The following ABCC9 variants were observed in gnomAD, a reference collection of about 807,000 sequenced individuals.
ABCC9 encodes the protein ATP binding cassette subfamily C member 9, also known as ATP-binding cassette sub-family C member 9.
ABCC9 carries 95 observed loss-of-function variants against 188.3 expected under a neutral mutation model. The ratio of observed to expected loss-of-function variants is 0.50; its 90% CI spans 0.43 to 0.60. ABCC9 has a LOEUF of 0.60. ABCC9 is among the 20% of genes least tolerant of loss of function. The probability of loss-of-function intolerance (pLI) is 0.00; values close to 1 mark genes in which losing one functional copy is unlikely to be tolerated. For synonymous variants in ABCC9, 659 were observed against 652.7 expected (o/e 1.01, Z -0.15); for missense variants, 1,102 against 1,876.3 (o/e 0.59, Z 7.62).
chr12:21,896,271 G>A (rs918749315), intron 12 of ABCC9, among the ~76,000 whole-genome samples: 7 of 151,850 alleles, frequency 4.6e-5, no homozygotes, highest in African/African-American at 1.7e-4. Context: ...CCTTACCACC[G>A]TACATAGAAC....
chr12:21,906,834 C>T (rs1462838105), intron 11 of ABCC9, among the ~76,000 whole-genome samples: 3 of 152,046 alleles, frequency 2.0e-5, no homozygotes, highest in South Asian at 4.1e-4. Flanking sequence ...CAAGAGATTT[C>T]CACATACTTC....
At chr12:21,826,164 T>C (rs888853572) in intron 31 of ABCC9, among the ~76,000 whole-genome samples, 8 of 152,164 alleles carry the variant, frequency 5.3e-5, no homozygotes, top group African/African-American at 1.4e-4. Context: ...AGCAGATATT[T>C]ATGTGAACTT....
intron 5 of ABCC9, among the ~76,000 whole-genome samples, chr12:21,917,501 G>T (rs1185020036): frequency 6.6e-6 from 1 of 152,036 alleles, no homozygotes; most frequent in Non-Finnish European, 1.5e-5. Context: ...CTACTTCATA[G>T]GTGTGTTGCA....
intron 17 of ABCC9, among the ~76,000 whole-genome samples, chr12:21,874,466 T>C (rs1946241508): frequency 6.6e-6 from 1 of 152,112 alleles, no homozygotes; most frequent in Admixed American, 6.6e-5. Flanking sequence ...CTCGAAAAAC[T>C]AAAAATAGAA....
At chr12:21,818,482 C>CTA (rs200929697) in intron 31 of ABCC9, among the ~76,000 whole-genome samples, 123 of 127,232 alleles carry the variant, frequency 9.7e-4, no homozygotes, top group African/African-American at 4.1e-3. Context: ...ATATCTATAT[C>CTA]TATCTATATA....
Position 21,838,784 on chromosome 12 carries a change from A to G in ABCC9, c.3474-614T>C, listed in dbSNP as rs1342904766. Among the ~76,000 whole-genome samples the G allele has an allele frequency of 6.6e-5, 10 of 152,340 alleles. No individual in the cohort carries two copies. The South Asian group carries it at 1.9e-3, about 28-fold the overall frequency. The stretch of plus-strand genomic sequence containing the variant: ...TGCGGTGGCTCATACCTGTAATCCC[A>G]GCACTTTGAGAGGCTGAGGCAGGTG... On this transcript the variant is annotated intron_variant, in intron 29 of 39. Transcript: ENST00000261200.
intron 22 of ABCC9, among the ~76,000 whole-genome samples, chr12:21,857,004 T>G (rs1333394418): frequency 6.6e-6 from 1 of 152,176 alleles, no homozygotes; most frequent in Non-Finnish European, 1.5e-5. Context: ...GAGAATCAAA[T>G]GGGATAATAC....
intron 12 of ABCC9, among the ~76,000 whole-genome samples, chr12:21,902,777 C>A (rs1021272585): frequency 3.3e-5 from 5 of 152,042 alleles, no homozygotes; most frequent in African/African-American, 4.8e-5. Flanking sequence ...CAATAACAGG[C>A]TCTGAAATGA....
chr12:21,832,199 A>T (rs2137298243), intron 30 of ABCC9, among the ~76,000 whole-genome samples: 1 of 152,330 alleles, frequency 6.6e-6, no homozygotes, highest in African/African-American at 2.4e-5. Context: ...AGGTCACTAA[A>T]ATCTCAGTCT....
At position 21,936,542 on chromosome 12, in the gene ABCC9, A is replaced by G. The variant is rs1555125400; in HGVS notation, c.133T>C (p.Leu45=). The change falls in exon 3 of 40, where the codon TTG becomes CTG. Residue 45 remains leucine (L), a synonymous_variant. Transcript: ENST00000261200. ...VFLLFITFPI[L]FIGWGSQSSK... is the part of the protein sequence containing the mutation. ...ATACTAGATTACTTACCAATAAACA[A>G]TATTGGAAAAGTGATAAACAACAGA... 4 of 1,612,246 alleles carry G rather than the reference A, an allele frequency of 2.5e-6. No individual in the cohort carries two copies. Among genetic ancestry groups the G allele is most frequent in the African/African-American group, 1.3e-5 (1 of 75,012 alleles).
intron 23 of ABCC9, 61 bp from the exon 24 acceptor site, chr12:21,852,283 C>T: frequency 1.2e-6 from 2 of 1,613,082 alleles, no homozygotes; most frequent in African/African-American, 1.3e-5. Context: ...AAATGAACTA[C>T]CTTTATTTCA....
At chr12:21,904,113 G>C (rs1947912879) in intron 12 of ABCC9, among the ~76,000 whole-genome samples, 1 of 152,150 alleles carries the variant, frequency 6.6e-6, no homozygotes, top group South Asian at 2.1e-4. Flanking sequence ...AGAGCCCTCA[G>C]AAATAATACC....
intron 9 of ABCC9, 36 bp from the exon 10 acceptor site, chr12:21,910,348 A>C (rs1170755870): frequency 1.9e-6 from 3 of 1,542,210 alleles, no homozygotes; most frequent in Non-Finnish European, 2.6e-6. Context: ...ATAAAGCTCT[A>C]AACTTAAAAT....
At position 21,933,890 on chromosome 12, in the gene ABCC9, T is replaced by C. The variant is rs1423323542; in HGVS notation, c.176A>G (p.His59Arg). The change falls in exon 4 of 40, where the codon CAC becomes CGC. Residue 59 changes from histidine (H) to arginine (R), a missense_variant. Around this residue, in one of 12 missense-constraint regions of ABCC9, gnomAD observed 305 missense variants for 573.0 expected, o/e 0.53. Coordinates refer to ENST00000261200, the MANE Select transcript of ABCC9 (RefSeq NM_020297.4). ...CGGAAAATGAAGCCATGTGTTGTGG[T>C]GAATTTGTACTTTTGAGCTTTGGCT... ...WGSQSSKVQIHHNTWLHFPGH... is the reference protein window; with the variant it reads ...WGSQSSKVQIRHNTWLHFPGH... 1 of 1,613,624 alleles carries C rather than the reference T, an allele frequency of 6.2e-7. No individual in the cohort carries two copies. The highest frequency in any genetic ancestry group is 8.5e-7 in the Non-Finnish European group (1 of 1,179,654).
intron 30 of ABCC9, among the ~76,000 whole-genome samples, chr12:21,835,732 A>G (rs2137322257): frequency 6.6e-6 from 1 of 152,246 alleles, no homozygotes; most frequent in East Asian, 1.9e-4. Context: ...CTCCCTCAGC[A>G]ATCAAATCCA....
In ABCC9 at chr12:21,904,929, G is replaced by A. The variant is rs1408922581; in HGVS notation, c.1618+1197C>T. ...TTTGACCCAGCAATCCCATTACTGG[G>A]TATATACCCAAAGGACTATAAATCA... On this transcript the variant is annotated intron_variant, in intron 12 of 39. Coordinates refer to ENST00000261200, the MANE Select transcript of ABCC9 (RefSeq NM_020297.4). Among the ~76,000 whole-genome samples, 5 of 152,172 alleles carry A rather than the reference G, an allele frequency of 3.3e-5. No individual in the cohort carries two copies. In the East Asian group the frequency reaches 5.8e-4, roughly 18 times the overall value.
intron 18 of ABCC9, among the ~76,000 whole-genome samples, chr12:21,867,066 G>A (rs779000645): frequency 5.6e-4 from 85 of 152,132 alleles, no homozygotes; most frequent in Admixed American, 5.2e-4. Context: ...AAGGATTTAC[G>A]TATATTTTCC....
chr12:21,913,459 A>G (rs1352652471), intron 7 of ABCC9, among the ~76,000 whole-genome samples: 1 of 152,182 alleles, frequency 6.6e-6, no homozygotes, highest in African/African-American at 2.4e-5. Flanking sequence ...AGAGTAAAGC[A>G]CAAACATCAA....
At position 21,799,241 on chromosome 12, in the gene ABCC9, G is replaced by C. The variant is rs1481774916; in HGVS notation, c.*1803C>G. ...GTGCACATGTACCCTAAAACTTAAA[G>C]TATATTAAAAAAAAAATTAAAAAAA... is the stretch of plus-strand genomic sequence containing the variant. On this transcript the variant is annotated 3_prime_UTR_variant, in exon 40 of 40. Coordinates refer to ENST00000261200, the MANE Select transcript of ABCC9 (RefSeq NM_020297.4). 7.4e-6 allele frequency: 1 copy of C among 134,242 alleles called. No individual in the cohort carries two copies. The highest frequency in any genetic ancestry group is 1.6e-5 in the Non-Finnish European group (1 of 63,532). 8.3% of individuals were successfully genotyped at this position (134,242 alleles called of 1,614,324 possible). A position where few individuals can be genotyped will look rare whatever the true frequency, so the allele number is the denominator to read the frequency against.
Sources: gnomAD v4.1 joint callset for allele counts (sites outside exome capture counted in the v4.1 genomes callset) on GRCh38, gnomAD v4.1.1 for gene constraint, gnomAD v4.1.1 regional missense constraint, MANE v1.5 for transcripts, NCBI Gene and HGNC (gene_info 2026-07-23, HGNC 2026-07-21) for gene names.